RPN2: variants seen among roughly 807,000 people sequenced by gnomAD.
RPN2 encodes dolichyl-diphosphooligosaccharide--protein glycosyltransferase subunit 2.
In RPN2, 29 loss-of-function variants were observed where a neutral mutation model predicts 71.4. That is an observed-to-expected ratio of 0.41 (90% CI 0.30 to 0.55). The LOEUF (loss-of-function observed/expected upper bound fraction) is 0.55, where lower values mean the gene tolerates loss of function less well. Among genes scored for constraint, RPN2 ranks in the 20% least tolerant of loss-of-function variants. The probability of loss-of-function intolerance (pLI) is 0.35; values close to 1 mark genes in which losing one functional copy is unlikely to be tolerated. For synonymous variants in RPN2, 308 were observed against 305.0 expected (o/e 1.01, Z -0.10); for missense variants, 726 against 774.1 (o/e 0.94, Z 0.74).
At chr20:37,209,930 G>A (rs1338125626) in intron 7 of RPN2, 117 bp from the exon 8 acceptor site, 16 of 1,531,522 alleles carry the variant, frequency 1.0e-5, no homozygotes, top group Middle Eastern at 2.2e-4. Context: ...AAGATTTCCC[G>A]AAGCAGGGGA....
At chr20:37,227,702 A>G (rs2068114157) in intron 11 of RPN2, among the ~76,000 whole-genome samples, 1 of 152,186 alleles carries the variant, frequency 6.6e-6, no homozygotes, top group South Asian at 2.1e-4. Context: ...GCCTTGTTGA[A>G]TTCTTTATTT....
intron 13 of RPN2, 83 bp from the exon 14 acceptor site, chr20:37,232,213 T>A (rs774558642): frequency 2.6e-6 from 4 of 1,538,910 alleles, no homozygotes; most frequent in Non-Finnish European, 3.6e-6. Context: ...ATGACTGACA[T>A]TGATGCTTTG....
chr20:37,215,278 C>A (rs951878212), intron 9 of RPN2, among the ~76,000 whole-genome samples: 1 of 152,186 alleles, frequency 6.6e-6, no homozygotes, highest in Non-Finnish European at 1.5e-5. Context: ...TGCGGCATTA[C>A]TTCCCATAGG....
chr20:37,218,474 G>A (rs921554480), intron 9 of RPN2, among the ~76,000 whole-genome samples: 2 of 151,838 alleles, frequency 1.3e-5, no homozygotes, highest in Non-Finnish European at 2.9e-5. Context: ...TTGGGAGGCC[G>A]AGGTAGGTGG....
intron 12 of RPN2, among the ~76,000 whole-genome samples, chr20:37,229,547 G>T (rs6017565): frequency 1.3e-4 from 20 of 152,302 alleles, no homozygotes; most frequent in African/African-American, 4.6e-4. Context: ...GCGTTTTCTC[G>T]TGTGGTATTC....
At chr20:37,213,587 CAAAAT>C (rs1237620297) in intron 8 of RPN2, among the ~76,000 whole-genome samples, 168 bp from the exon 9 acceptor site, 2 of 150,754 alleles carry the variant, frequency 1.3e-5, no homozygotes, top group Non-Finnish European at 3.0e-5. Flanking sequence ...GAACCTGTCT[CAAAAT>C]AAAAAAAAAA....
intron 13 of RPN2, among the ~76,000 whole-genome samples, chr20:37,231,719 A>AAAAAAAAG (rs1169489903): frequency 6.6e-6 from 1 of 151,638 alleles, no homozygotes; most frequent in Non-Finnish European, 1.5e-5. Context: ...CTCTTTAAAA[A>AAAAAAAAG]AAAGAAAAAG....
intron 6 of RPN2, among the ~76,000 whole-genome samples, chr20:37,206,915 TAGTC>T (rs1316347967): frequency 1.3e-5 from 2 of 152,128 alleles, no homozygotes; most frequent in Non-Finnish European, 2.9e-5. Context: ...TTCTCTATGT[TAGTC>T]AGGCTGGTCT....
chr20:37,217,521 G>C (rs534423097), intron 9 of RPN2, among the ~76,000 whole-genome samples: 2 of 152,004 alleles, frequency 1.3e-5, no homozygotes, highest in South Asian at 4.1e-4. Flanking sequence ...TTGATCTCTT[G>C]ACCTTGTGAT....
At chr20:37,215,113 A>G (rs928124171) in intron 9 of RPN2, among the ~76,000 whole-genome samples, 6 of 152,048 alleles carry the variant, frequency 3.9e-5, no homozygotes, top group Non-Finnish European at 8.8e-5. Context: ...ATGGACATTT[A>G]TTTTACTATA....
rs202197936 is a variant in RPN2, at chr20:37,199,214, G to C, written c.468G>C (p.Glu156Asp). 1 of 1,613,914 alleles carries C rather than the reference G, an allele frequency of 6.2e-7. No individual in the cohort carries two copies. The highest frequency in any genetic ancestry group is 2.2e-5 in the East Asian group (1 of 44,888). ...TTACTGCTCGTCTCAGCAAGGAGGA[G>C]ACTGTGCTGGCGTGAGTTGTCATCT... ...SALTARLSKEETVLATVQALQ... is the reference protein window; with the variant it reads ...SALTARLSKEDTVLATVQALQ... The change falls in exon 4 of 17, where the codon GAG becomes GAC. Residue 156 changes from glutamate to aspartate, a missense_variant. By Grantham distance (45) the Glu-to-Asp change is conservative. Transcript: ENST00000237530.
At chr20:37,198,334 C>A (rs2067299347) in intron 2 of RPN2, 63 bp from the exon 3 acceptor site, 2 of 1,613,736 alleles carry the variant, frequency 1.2e-6, no homozygotes, top group Non-Finnish European at 8.5e-7. Context: ...CTAAAAACGC[C>A]TTTGCTTTTC....
intron 10 of RPN2, among the ~76,000 whole-genome samples, chr20:37,224,308 T>C (rs2068027126): frequency 6.6e-6 from 1 of 152,232 alleles, no homozygotes; most frequent in Non-Finnish European, 1.5e-5. Flanking sequence ...TTTAAAATAA[T>C]AAGACCTTCT....
rs778383707 is a variant in RPN2, at chr20:37,184,246, A to T, written c.80A>T (p.His27Leu). The T allele has an allele frequency of 6.2e-7, 1 of 1,614,130 alleles. No individual in the cohort carries two copies. The highest frequency in any genetic ancestry group is 8.5e-7 in the Non-Finnish European group (1 of 1,180,018). The change falls in exon 2 of 17, where the codon CAC becomes CTC. Residue 27 changes from histidine to leucine, a missense_variant. By Grantham distance (99) the His-to-Leu change is moderately conservative. Transcript: ENST00000237530. ...AGCACCTGGGCTCTGACGCCCACTC[A>T]CTACCTCACCAAGCATGACGTGGAG... ...IASTWALTPT[H>L]YLTKHDVERL...
intron 4 of RPN2, chr20:37,200,425 C>T (rs753756552): frequency 7.7e-6 from 4 of 522,138 alleles, no homozygotes; most frequent in South Asian, 2.9e-5. Flanking sequence ...TTGTGTTCAC[C>T]GTTTCACTGC....
intron 2 of RPN2, among the ~76,000 whole-genome samples, chr20:37,193,504 G>T (rs1254729842): frequency 6.6e-6 from 1 of 152,176 alleles, no homozygotes; most frequent in African/African-American, 2.4e-5. Flanking sequence ...CACATAGGAA[G>T]AGTTCTGATC....
chr20:37,229,517 T>C (rs182572718), intron 12 of RPN2, among the ~76,000 whole-genome samples: 40 of 152,250 alleles, frequency 2.6e-4, no homozygotes, highest in African/African-American at 8.9e-4. Context: ...TGACTCACTT[T>C]GCAAGACAAA....
At chr20:37,231,875 G>T (rs2068258488) in intron 13 of RPN2, among the ~76,000 whole-genome samples, 1 of 152,144 alleles carries the variant, frequency 6.6e-6, no homozygotes, top group Non-Finnish European at 1.5e-5. Flanking sequence ...ATTAAGTGGG[G>T]CAGCAGCATT....
chr20:37,185,948 A>G (rs4812877), intron 2 of RPN2, among the ~76,000 whole-genome samples: 116,814 of 152,212 alleles, frequency 0.77, 45,307 homozygotes, highest in Middle Eastern at 0.89. Context: ...ATGTTGTCGT[A>G]TTGTCAGCAA....
Sources: allele counts gnomAD v4.1 joint callset (sites outside exome capture counted in the v4.1 genomes callset), GRCh38; gene constraint gnomAD v4.1.1; transcripts MANE v1.5; gene names NCBI Gene and HGNC (gene_info 2026-07-23, HGNC 2026-07-21).